The following SOX5 variants were observed in gnomAD, a reference collection of about 807,000 sequenced individuals.
SOX5 encodes SRY-box transcription factor 5.
Under a neutral mutation model 92.0 loss-of-function variants are expected in SOX5, and 9 were observed. That is an observed-to-expected ratio of 0.10 (90% CI 0.06 to 0.17). The LOEUF is 0.17. Ranked by LOEUF, SOX5 falls within the 10% of genes least tolerant of loss-of-function variation. The probability of loss-of-function intolerance (pLI) is 1.00; values close to 1 mark genes in which losing one functional copy is unlikely to be tolerated. For missense variants in SOX5, 642 were observed against 944.5 expected (o/e 0.68, Z 4.20); for synonymous variants, 344 against 336.3 (o/e 1.02, Z -0.25).
intron 4 of SOX5, chr12:24,212,502 GTTACAAGGAAGGAAGGA>G: frequency 1.9e-6 from 1 of 533,024 alleles, no homozygotes; most frequent in Non-Finnish European, 3.9e-6. Flanking sequence ...CACGGGAGGG[GTTACAAGGAAGGAAGGA>G]TTACAAGGAA....
chr12:24,176,983 T>TG (rs200501990), intron 4 of SOX5, among the ~76,000 whole-genome samples: 2 of 148,308 alleles, frequency 1.3e-5, no homozygotes, highest in Non-Finnish European at 3.0e-5. Context: ...TTTTGTTTTT[T>TG]TTTTTTTTTT....
At chr12:24,049,274 C>A (rs1957324280) in intron 4 of SOX5, among the ~76,000 whole-genome samples, 1 of 152,140 alleles carries the variant, frequency 6.6e-6, no homozygotes, top group South Asian at 2.1e-4. Context: ...AGATATCACT[C>A]CTTGGCCAAA....
intron 2 of SOX5, among the ~76,000 whole-genome samples, chr12:24,310,505 T>C (rs1248803971): frequency 6.6e-6 from 1 of 152,208 alleles, no homozygotes; most frequent in Non-Finnish European, 1.5e-5. Flanking sequence ...AGCCTATCCC[T>C]GTCCCCAGGA....
chr12:24,445,000 C>G (rs147326291), intron 1 of SOX5, among the ~76,000 whole-genome samples: 1 of 152,274 alleles, frequency 6.6e-6, no homozygotes, highest in African/African-American at 2.4e-5. Context: ...ACAATAAATA[C>G]TAGATGATTT....
At chr12:23,667,437 G>A (rs533948424) in intron 6 of SOX5, among the ~76,000 whole-genome samples, 7 of 152,198 alleles carry the variant, frequency 4.6e-5, no homozygotes, top group East Asian at 3.9e-4. Flanking sequence ...TTATGAAAAT[G>A]CATTTTGTTT....
chr12:24,278,112 C>T (rs1397107927), intron 2 of SOX5, among the ~76,000 whole-genome samples: 1 of 152,142 alleles, frequency 6.6e-6, no homozygotes, highest in African/African-American at 2.4e-5. Flanking sequence ...CTCAGTCGCT[C>T]CGCTATTAGT....
chr12:23,973,512 C>G (rs902557519), intron 4 of SOX5, among the ~76,000 whole-genome samples: 1 of 152,106 alleles, frequency 6.6e-6, no homozygotes, highest in African/African-American at 2.4e-5. Context: ...TGTATATATA[C>G]AAAACAGAAT....
At chr12:23,690,605 G>C (rs1352133261) in intron 6 of SOX5, among the ~76,000 whole-genome samples, 3 of 151,910 alleles carry the variant, frequency 2.0e-5, no homozygotes, top group Admixed American at 1.3e-4. Flanking sequence ...TCAGCCACCA[G>C]GTGTATCTAA....
chr12:24,472,991 C>A (rs1382948457), intron 1 of SOX5, among the ~76,000 whole-genome samples: 1 of 152,008 alleles, frequency 6.6e-6, no homozygotes, highest in African/African-American at 2.4e-5. Context: ...AATCATTTAT[C>A]TGATTTTAAC....
chr12:23,839,990 C>CAAAAAAAA (rs142394109), intron 3 of SOX5, among the ~76,000 whole-genome samples: 9 of 121,848 alleles, frequency 7.4e-5, no homozygotes, highest in East Asian at 2.3e-4. Context: ...CTCAAGAAGA[C>CAAAAAAAA]AAAAAAAAAA....
At chr12:24,023,630 G>A (rs1355419364) in intron 4 of SOX5, among the ~76,000 whole-genome samples, 1 of 152,020 alleles carries the variant, frequency 6.6e-6, no homozygotes, top group Non-Finnish European at 1.5e-5. Context: ...CACAGGTAGT[G>A]GTAAATTTGG....
At chr12:24,557,818 A>G (rs572434957) in intron 1 of SOX5, among the ~76,000 whole-genome samples, 1 of 152,348 alleles carries the variant, frequency 6.6e-6, no homozygotes, top group South Asian at 2.1e-4. Flanking sequence ...GAATGGACTT[A>G]TACTTGTAGA....
intron 2 of SOX5, among the ~76,000 whole-genome samples, chr12:23,863,200 T>C (rs945684658): frequency 1.3e-5 from 2 of 152,232 alleles, no homozygotes. Context: ...CTACTTTGAC[T>C]GTAACATGGG....
intron 4 of SOX5, among the ~76,000 whole-genome samples, chr12:24,168,728 G>A (rs1359823586): frequency 2.0e-5 from 3 of 152,114 alleles, no homozygotes; most frequent in African/African-American, 4.8e-5. Flanking sequence ...AATAGAATTA[G>A]TAAGTATAAA....
intron 1 of SOX5, among the ~76,000 whole-genome samples, chr12:24,425,272 CAATT>C (rs1966589687): frequency 6.6e-6 from 1 of 152,132 alleles, no homozygotes; most frequent in African/African-American, 2.4e-5. Context: ...ATAGGTATAA[CAATT>C]AATCTGTAGA....
chr12:24,090,671 A>T (rs1593060020), intron 4 of SOX5, among the ~76,000 whole-genome samples: 1 of 152,194 alleles, frequency 6.6e-6, no homozygotes, highest in African/African-American at 2.4e-5. Flanking sequence ...ATTATTGTTA[A>T]CAATTCCATT....
At chr12:24,251,335 T>G (rs960829952) in intron 3 of SOX5, among the ~76,000 whole-genome samples, 4 of 152,206 alleles carry the variant, frequency 2.6e-5, no homozygotes, top group Non-Finnish European at 4.4e-5. Context: ...AAATACATTT[T>G]ACTGATAAGA....
chr12:24,284,432 T>TTGTG (rs59803171), intron 2 of SOX5, among the ~76,000 whole-genome samples: 32,373 of 149,426 alleles, frequency 0.22, 3,546 homozygotes, highest in Middle Eastern at 0.34. Flanking sequence ...TTTTTTTTCT[T>TTGTG]TGTGTGTGTG....
At chr12:23,759,028 C>G (rs866116986) in intron 3 of SOX5, among the ~76,000 whole-genome samples, 1,105 of 73,016 alleles carry the variant, frequency 0.015, 13 homozygotes, top group African/African-American at 0.048. Flanking sequence ...CACACACACA[C>G]AGACACACAC....
Sources: allele counts gnomAD v4.1 joint callset (sites outside exome capture counted in the v4.1 genomes callset), GRCh38; gene constraint gnomAD v4.1.1; transcripts MANE v1.5; gene names NCBI Gene and HGNC (gene_info 2026-07-23, HGNC 2026-07-21).